The following ZFAND3 variants were observed in gnomAD, a reference collection of about 807,000 sequenced individuals.
ZFAND3 encodes zinc finger AN1-type containing 3, also known as AN1-type zinc finger protein 3.
ZFAND3 carries 10 observed loss-of-function variants against 29.6 expected under a neutral mutation model. That is an observed-to-expected ratio of 0.34 (90% CI 0.21 to 0.57). The LOEUF is 0.57. Among genes scored for constraint, ZFAND3 ranks in the 20% least tolerant of loss-of-function variants. The pLI, the probability that ZFAND3 is intolerant of heterozygous loss-of-function variation, is 0.86. For missense variants in ZFAND3, 230 were observed against 304.5 expected, an observed-to-expected ratio of 0.76 and a Z score of 1.82; for synonymous variants, 128 against 112.6, an observed-to-expected ratio of 1.14 and a Z score of -0.87.
At chr6:37,886,237 CAAAAAAAAAAAAAA>C (rs55661554) in intron 1 of ZFAND3, among the ~76,000 whole-genome samples, 1 of 95,302 alleles carries the variant, frequency 1.0e-5, no homozygotes, top group African/African-American at 3.6e-5. Context: ...GACTCTGTCT[CAAAAAAAAAAAAAA>C]AAAAAAAAAA....
At chr6:37,881,329 G>A (rs149814505) in intron 1 of ZFAND3, among the ~76,000 whole-genome samples, 10 of 151,870 alleles carry the variant, frequency 6.6e-5, no homozygotes, top group African/African-American at 1.9e-4. Context: ...CCAGTGATCT[G>A]CCCACCTTGG....
intron 4 of ZFAND3, among the ~76,000 whole-genome samples, chr6:38,084,109 A>G (rs903510567): frequency 6.6e-5 from 10 of 152,192 alleles, no homozygotes; most frequent in Non-Finnish European, 1.3e-4. Context: ...TTAAGACACT[A>G]AAGCCTGCGC....
chr6:37,944,122 T>C (rs546975144), intron 2 of ZFAND3, among the ~76,000 whole-genome samples: 1 of 152,362 alleles, frequency 6.6e-6, no homozygotes, highest in East Asian at 1.9e-4. Flanking sequence ...TATTTGTGTG[T>C]ATGTGGGTTT....
At chr6:38,079,522 T>C (rs1014923561) in intron 3 of ZFAND3, among the ~76,000 whole-genome samples, 2 of 150,736 alleles carry the variant, frequency 1.3e-5, no homozygotes, top group African/African-American at 4.9e-5. Context: ...GATAATCCTC[T>C]AGAACATATG....
intron 1 of ZFAND3, among the ~76,000 whole-genome samples, chr6:37,825,889 A>T (rs1267680625): frequency 1.3e-5 from 2 of 152,216 alleles, no homozygotes; most frequent in Non-Finnish European, 2.9e-5. Context: ...AGAGGGTGAG[A>T]ACTAATATCA....
intron 3 of ZFAND3, among the ~76,000 whole-genome samples, chr6:38,072,436 T>C (rs1438082240): frequency 1.3e-5 from 2 of 152,186 alleles, no homozygotes; most frequent in African/African-American, 2.4e-5. Context: ...CTGTCCCCCC[T>C]GCCCCCAATA....
chr6:37,899,428 C>T (rs1028169518), intron 1 of ZFAND3, among the ~76,000 whole-genome samples: 11 of 152,132 alleles, frequency 7.2e-5, no homozygotes, highest in African/African-American at 2.7e-4. Flanking sequence ...TAGCCTTTAA[C>T]AATAGTGGCT....
chr6:37,984,450 C>T (rs1762631286), intron 2 of ZFAND3, among the ~76,000 whole-genome samples: 1 of 152,200 alleles, frequency 6.6e-6, no homozygotes, highest in Non-Finnish European at 1.5e-5. Context: ...GCAGTCTTAG[C>T]TTTCACATTC....
At chr6:37,846,807 G>T (rs1764188249) in intron 1 of ZFAND3, among the ~76,000 whole-genome samples, 1 of 151,832 alleles carries the variant, frequency 6.6e-6, no homozygotes, top group African/African-American at 2.4e-5. Context: ...CGCCGCCCAG[G>T]TTCAAGCAAT....
chr6:37,952,491 T>C (rs1471921017), intron 2 of ZFAND3, among the ~76,000 whole-genome samples: 1 of 152,172 alleles, frequency 6.6e-6, no homozygotes, highest in Non-Finnish European at 1.5e-5. Context: ...GAAATGTGCA[T>C]AGAAGTGTTC....
chr6:38,041,623 ATCTACTTTTTCTTCT>A (rs1205510765), intron 2 of ZFAND3, among the ~76,000 whole-genome samples: 1,370 of 102,296 alleles, frequency 0.013, 119 homozygotes, highest in Non-Finnish European at 0.02. Flanking sequence ...CTGTTTTTTT[ATCTACTTTTTCTTCT>A]TCTTCTTCTT....
intron 2 of ZFAND3, among the ~76,000 whole-genome samples, chr6:38,012,796 C>G (rs1478535989): frequency 6.6e-6 from 1 of 152,128 alleles, no homozygotes; most frequent in Admixed American, 6.5e-5. Flanking sequence ...CCTCGGCCAC[C>G]CTCTAGTGGC....
chr6:38,035,482 G>A (rs1412286623), intron 2 of ZFAND3, among the ~76,000 whole-genome samples: 1 of 152,148 alleles, frequency 6.6e-6, no homozygotes, highest in African/African-American at 2.4e-5. Context: ...CTCAAAAAGG[G>A]AGAGAGGGTG....
At chr6:37,863,933 T>C (rs914149265) in intron 1 of ZFAND3, among the ~76,000 whole-genome samples, 3 of 152,220 alleles carry the variant, frequency 2.0e-5, no homozygotes, top group Non-Finnish European at 2.9e-5. Flanking sequence ...CTTTGAGGTC[T>C]GAATCCATCT....
chr6:38,052,301 T>A (rs1263581340), intron 2 of ZFAND3, among the ~76,000 whole-genome samples: 1 of 152,210 alleles, frequency 6.6e-6, no homozygotes, highest in Non-Finnish European at 1.5e-5. Context: ...CCATGATGAA[T>A]AATAAGGAAG....
At chr6:37,904,568 AC>A (rs986919119) in intron 1 of ZFAND3, among the ~76,000 whole-genome samples, 9 of 152,210 alleles carry the variant, frequency 5.9e-5, no homozygotes, top group Admixed American at 3.9e-4. Context: ...GCCTGGCTGT[AC>A]ATTTTCCCCA....
At chr6:37,987,296 T>G (rs1444551459) in intron 2 of ZFAND3, among the ~76,000 whole-genome samples, 1 of 152,194 alleles carries the variant, frequency 6.6e-6, no homozygotes, top group Non-Finnish European at 1.5e-5. Context: ...TTGGAAAAAA[T>G]GATTCAGTTT....
chr6:37,823,776 A>G (rs1399254175), intron 1 of ZFAND3, among the ~76,000 whole-genome samples: 2 of 151,504 alleles, frequency 1.3e-5, no homozygotes, highest in South Asian at 2.1e-4. Flanking sequence ...TTTGTATTAT[A>G]TATGTATTTT....
intron 3 of ZFAND3, among the ~76,000 whole-genome samples, chr6:38,077,519 A>G (rs1176087224): frequency 2.0e-5 from 3 of 152,256 alleles, no homozygotes; most frequent in East Asian, 1.9e-4. Context: ...TACAGTTACT[A>G]TGAAAGGACT....
Sources: allele counts gnomAD v4.1 joint callset (sites outside exome capture counted in the v4.1 genomes callset), GRCh38; gene constraint gnomAD v4.1.1; transcripts MANE v1.5; gene names NCBI Gene and HGNC (gene_info 2026-07-23, HGNC 2026-07-21).